The following SMIM1 variants were observed in gnomAD, a reference collection of about 807,000 sequenced individuals.
SMIM1 encodes the protein small integral membrane protein 1.
Under a neutral mutation model 7.7 loss-of-function variants are expected in SMIM1, and 7 were observed. The ratio of observed to expected loss-of-function variants is 0.91; its 90% CI spans 0.52 to 1.71. SMIM1 has a LOEUF of 1.71. Among genes scored for constraint, SMIM1 ranks in the 40% most tolerant of loss-of-function variants. The pLI is 0.00. For missense variants in SMIM1, 95 were observed against 102.8 expected (o/e 0.92, Z 0.33); for synonymous variants, 41 against 42.7 (o/e 0.96, Z 0.16).
In SMIM1 at chr1:3,775,225, C is replaced by T. The variant is rs1250750058; in HGVS notation, c.-75-74C>T. 3 of 580,636 alleles carry T rather than the reference C, an allele frequency of 5.2e-6. No homozygotes were observed. The highest frequency in any genetic ancestry group is 5.9e-5 in the East Asian group (2 of 34,074). The allele number at this position is 580,636 out of a possible 1,614,324, so 36.0% of individuals were successfully genotyped here. On this transcript the variant is annotated intron_variant, in intron 2 of 3. Transcript: ENST00000642557. This position sits in a 1 kb window ranked among gnomAD's most constrained non-coding sequence, Gnocchi z 5.3. Reference sequence around the variant, plus strand: ...ACCCGGTGAGGGAGTCAGCCCCCGACCCTTAGTGCCCCTCTCCTAACAGCA... The same window carrying T: ...ACCCGGTGAGGGAGTCAGCCCCCGATCCTTAGTGCCCCTCTCCTAACAGCA...
At chr1:3,774,237 T>C (rs929125053) in intron 2 of SMIM1, among the ~76,000 whole-genome samples, 3 of 152,206 alleles carry the variant, frequency 2.0e-5, no homozygotes, top group African/African-American at 7.2e-5. Flanking sequence ...ACCCCACTCC[T>C]GGGGGCCAGA....
intron 2 of SMIM1, among the ~76,000 whole-genome samples, chr1:3,774,876 C>T (rs933035763): frequency 6.6e-6 from 1 of 152,104 alleles, no homozygotes; most frequent in African/African-American, 2.4e-5. Flanking sequence ...CCCACCCCCC[C>T]CTCCCCTGGC....
At chr1:3,773,833 A>G (rs76140795) in intron 2 of SMIM1, among the ~76,000 whole-genome samples, 2,406 of 152,288 alleles carry the variant, frequency 0.016, 132 homozygotes, top group Admixed American at 0.1. Context: ...GGGATTCTGC[A>G]CACCAGGCAA....
chr1:3,773,384 G>C (rs568042825), intron 2 of SMIM1, among the ~76,000 whole-genome samples: 3 of 152,362 alleles, frequency 2.0e-5, no homozygotes, highest in Non-Finnish European at 4.4e-5. Flanking sequence ...TACTGAGCAA[G>C]TGAGGGAGGC....
At chr1:3,774,357 C>A (rs1030261211) in intron 2 of SMIM1, among the ~76,000 whole-genome samples, 3 of 152,124 alleles carry the variant, frequency 2.0e-5, no homozygotes, top group Non-Finnish European at 4.4e-5. Flanking sequence ...CACCCCCACA[C>A]CCCCTTAGGT....
At position 3,773,700 on chromosome 1, in the gene SMIM1, C is replaced by T. The variant is rs555287885; in HGVS notation, c.-76+519C>T. On this transcript the variant is annotated intron_variant, in intron 2 of 3. Transcript: ENST00000642557. Reference sequence around the variant, plus strand: ...CAGAAGCAAACTCTCCCATCCCCTGCTGCACCCTGGCTCCTGGACCCCAGC... The same window carrying T: ...CAGAAGCAAACTCTCCCATCCCCTGTTGCACCCTGGCTCCTGGACCCCAGC... Among the ~76,000 whole-genome samples the T allele has an allele frequency of 4.4e-3, 674 of 152,328 alleles. 1 individual carries two copies. The highest frequency in any genetic ancestry group is 0.016 in the African/African-American group (646 of 41,568).
At chr1:3,774,707 C>G (rs970110842) in intron 2 of SMIM1, among the ~76,000 whole-genome samples, 6 of 152,160 alleles carry the variant, frequency 3.9e-5, no homozygotes, top group Admixed American at 6.5e-5. Flanking sequence ...ATCATGCCCC[C>G]CAAGCCCCAG....
At position 3,775,736 on chromosome 1, in the gene SMIM1, TA is replaced by T; in HGVS notation, c.111-58del. ...CCCAGACCAACGGCCACAGTCCACT[TA>T]GGGGGCCCCTCATGCGGCCCTGGCC... On this transcript the variant is annotated intron_variant, in intron 3 of 3. Coordinates refer to ENST00000642557, the MANE Select transcript of SMIM1 (RefSeq NM_001288583.2). This position sits in a 1 kb window ranked among gnomAD's most constrained non-coding sequence, Gnocchi z 5.3. The T allele has an allele frequency of 1.3e-6, 2 of 1,523,200 alleles. No homozygotes were observed. The highest frequency in any genetic ancestry group is 4.1e-5 in the Admixed American group (2 of 49,046). The allele number at this position is 1,523,200 out of a possible 1,614,324, so 94.4% of individuals were successfully genotyped here. A position where few individuals can be genotyped will look rare whatever the true frequency, so the allele number is the denominator to read the frequency against.
chr1:3,773,917 G>C (rs1437077521), intron 2 of SMIM1, among the ~76,000 whole-genome samples: 1 of 152,236 alleles, frequency 6.6e-6, no homozygotes, highest in African/African-American at 2.4e-5. Flanking sequence ...CTCCAGTAGA[G>C]GCTGGGCCTC....
rs1230452323 is a variant in SMIM1, at chr1:3,775,444, G to A, written c.71G>A (p.Gly24Glu). The A allele has an allele frequency of 1.9e-5, 29 of 1,511,862 alleles. No individual in the cohort carries two copies. The Admixed American group carries it at 5.8e-4, about 30-fold the overall frequency. The allele number at this position is 1,511,862 out of a possible 1,614,324, so 93.7% of individuals were successfully genotyped here. Residue 24 changes from glycine (G) to glutamate (E), a missense_variant, in exon 3 of 4, where the codon GGG becomes GAG. Coordinates refer to ENST00000642557, the MANE Select transcript of SMIM1 (RefSeq NM_001288583.2). The surrounding 1 kb of genome is among the most constrained non-coding windows in gnomAD (Gnocchi z 5.3). ...GGCAGCAGGGACGGAGTCAGCCTAGGGGCTGTGTCCAGCACAGAAGAGGCC... is the reference window on the plus strand; with the variant it reads ...GGCAGCAGGGACGGAGTCAGCCTAGAGGCTGTGTCCAGCACAGAAGAGGCC... ...EDGSRDGVSL[G>E]AVSSTEEASR...
At position 3,775,910 on chromosome 1, in the gene SMIM1, A is replaced by G. The variant is rs1050408575; in HGVS notation, c.226A>G (p.Lys76Glu). The change falls in exon 4 of 4, where the codon AAG (lysine) becomes GAG (glutamate). Residue 76 changes from lysine (K) to glutamate (E), a missense_variant. Lys to Glu is a moderately conservative substitution (Grantham distance 56). Transcript: ENST00000642557. This position sits in a 1 kb window ranked among gnomAD's most constrained non-coding sequence, Gnocchi z 5.3. ...LGYLTGYYVH[K>E]CK Reference sequence around the variant, plus strand: ...CTACCTCACAGGCTACTATGTGCACAAGTGCAAATAAATGCTGCCCCGCAT... The same window carrying G: ...CTACCTCACAGGCTACTATGTGCACGAGTGCAAATAAATGCTGCCCCGCAT... 1.9e-6 allele frequency: 3 copies of G among 1,549,756 alleles called. No individual in the cohort carries two copies. In the African/African-American group the frequency reaches 4.1e-5, roughly 21 times the overall value.
chr1:3,775,691 G>A lies in SMIM1; in HGVS notation c.111-104G>A, dbSNP rs1184573557. The A allele has an allele frequency of 6.9e-6, 10 of 1,446,460 alleles. No individual in the cohort carries two copies. Among genetic ancestry groups the A allele is most frequent in the Admixed American group, 4.9e-5 (2 of 41,104 alleles). 89.6% of individuals were successfully genotyped at this position (1,446,460 alleles called of 1,614,324 possible). A position where few individuals can be genotyped will look rare whatever the true frequency, so the allele number is the denominator to read the frequency against. On this transcript the variant is annotated intron_variant, in intron 3 of 3. Coordinates refer to ENST00000642557, the MANE Select transcript of SMIM1 (RefSeq NM_001288583.2). The surrounding 1 kb of genome is among the most constrained non-coding windows in gnomAD (Gnocchi z 5.3). ...AGCTTCCTCTTGACTCCAGCAGAGC[G>A]CCCAGGCCCCTCCCCCTGACCCAGA... is the stretch of plus-strand genomic sequence containing the variant.
At chr1:3,773,464 A>G (rs1643412518) in intron 2 of SMIM1, among the ~76,000 whole-genome samples, 1 of 152,156 alleles carries the variant, frequency 6.6e-6, no homozygotes, top group African/African-American at 2.4e-5. Context: ...TACGTCAGCA[A>G]GACAGGAACC....
chr1:3,775,381 C>T lies in SMIM1; in HGVS notation c.8C>T (p.Pro3Leu). 1 of 1,549,890 alleles carries T rather than the reference C, an allele frequency of 6.5e-7. No individual in the cohort carries two copies. Among genetic ancestry groups the T allele is most frequent in the Non-Finnish European group, 8.7e-7 (1 of 1,146,570 alleles). Reference sequence around the variant, plus strand: ...CCGCTGCAGCCCCACAGCATGCAGCCCCAGGAGAGCCACGTCCACTATAGT... The same window carrying T: ...CCGCTGCAGCCCCACAGCATGCAGCTCCAGGAGAGCCACGTCCACTATAGT... The part of the protein sequence containing the change: MQ[P>L]QESHVHYSRW... The change falls in exon 3 of 4, where the codon CCC (proline) becomes CTC (leucine). Residue 3 changes from proline to leucine, a missense_variant. Pro to Leu is a moderately conservative substitution (Grantham distance 98). Coordinates refer to ENST00000642557, the MANE Select transcript of SMIM1 (RefSeq NM_001288583.2). This position sits in a 1 kb window ranked among gnomAD's most constrained non-coding sequence, Gnocchi z 5.3.
chr1:3,773,273 G>A (rs903092496), intron 2 of SMIM1, 92 bp downstream of exon 2: 3 of 152,454 alleles, frequency 2.0e-5, no homozygotes, highest in Admixed American at 1.3e-4. Flanking sequence ...CAAGCCCCCA[G>A]GAGGTGCCAG....
Position 3,775,238 on chromosome 1 carries a change from TCTC to T in SMIM1, c.-75-58_-75-56del, listed in dbSNP as rs1643440058. 1.6e-6 allele frequency: 1 copy of T among 608,094 alleles called. No individual in the cohort carries two copies. The highest frequency in any genetic ancestry group is 2.8e-6 in the Non-Finnish European group (1 of 351,148). The allele number at this position is 608,094 out of a possible 1,614,324, so 37.7% of individuals were successfully genotyped here. ...GTCAGCCCCCGACCCTTAGTGCCCC[TCTC>T]CTAACAGCAGCCTCAGAGGGGGTCT... On this transcript the variant is annotated intron_variant, in intron 2 of 3. Transcript: ENST00000642557. The surrounding 1 kb of genome is among the most constrained non-coding windows in gnomAD (Gnocchi z 5.3).
chr1:3,775,567 C>A lies in SMIM1; in HGVS notation c.110+84C>A. Reference sequence around the variant, plus strand: ...GCCTGCCCTAACCCCTGCTACCGGCCCCATCACCCTCCACCCCATCCTGGC... The same window carrying A: ...GCCTGCCCTAACCCCTGCTACCGGCACCATCACCCTCCACCCCATCCTGGC... On this transcript the variant is annotated intron_variant, in intron 3 of 3. Transcript: ENST00000642557. This position sits in a 1 kb window ranked among gnomAD's most constrained non-coding sequence, Gnocchi z 5.3. 1 of 1,334,514 alleles carries A rather than the reference C, an allele frequency of 7.5e-7. No individual in the cohort carries two copies. The highest frequency in any genetic ancestry group is 1.0e-6 in the Non-Finnish European group (1 of 976,922). The allele number at this position is 1,334,514 out of a possible 1,614,324, so 82.7% of individuals were successfully genotyped here. A position where few individuals can be genotyped will look rare whatever the true frequency, so the allele number is the denominator to read the frequency against.
chr1:3,773,642 T>G lies in SMIM1; in HGVS notation c.-76+461T>G, dbSNP rs114930766. 4.4e-3 allele frequency among the ~76,000 whole-genome samples: 673 copies of G among 152,006 alleles called. 1 individual carries two copies. Among genetic ancestry groups the G allele is most frequent in the African/African-American group, 0.016 (645 of 41,448 alleles). On this transcript the variant is annotated intron_variant, in intron 2 of 3. Coordinates refer to ENST00000642557, the MANE Select transcript of SMIM1 (RefSeq NM_001288583.2). ...CAGCAGCTCCAGCCATCACGTCGAGTCTGGAAGAAGGAGGTGGCTGCTGCT... is the reference window on the plus strand; with the variant it reads ...CAGCAGCTCCAGCCATCACGTCGAGGCTGGAAGAAGGAGGTGGCTGCTGCT...
intron 2 of SMIM1, among the ~76,000 whole-genome samples, chr1:3,774,488 C>T (rs543910770): frequency 9.2e-5 from 14 of 152,176 alleles, no homozygotes; most frequent in Non-Finnish European, 2.1e-4. Context: ...GTGGTCTCCT[C>T]GCCCCTCTGG....
Sources: gnomAD v4.1 joint callset for allele counts (sites outside exome capture counted in the v4.1 genomes callset) on GRCh38, gnomAD v4.1.1 for gene constraint, Gnocchi (gnomAD v3.1) non-coding constraint, MANE v1.5 for transcripts, NCBI Gene and HGNC (gene_info 2026-07-23, HGNC 2026-07-21) for gene names.